Variants in QRFPR observed in about 807,000 individuals in gnomAD.
QRFPR encodes the protein pyroglutamylated RFamide peptide receptor.
In QRFPR, 37 loss-of-function variants were observed where a neutral mutation model predicts 31.3. The ratio of observed to expected loss-of-function variants is 1.18; its 90% confidence interval spans 0.91 to 1.56. QRFPR has a LOEUF of 1.56. Among genes scored for constraint, QRFPR ranks in the 40% most tolerant of loss-of-function variants. The pLI is 0.00. For missense variants in QRFPR, 542 were observed against 532.5 expected (o/e 1.02, Z -0.18); for synonymous variants, 197 against 192.0 (o/e 1.03, Z -0.22).
chr4:121,358,781 C>G (rs955569109), intron 1 of QRFPR, among the ~76,000 whole-genome samples: 1 of 152,144 alleles, frequency 6.6e-6, no homozygotes, highest in African/African-American at 2.4e-5. Flanking sequence ...CATGGCTGAG[C>G]CACACTGATC....
chr4:121,353,330 A>C (rs1233743155), intron 1 of QRFPR, among the ~76,000 whole-genome samples: 1 of 151,996 alleles, frequency 6.6e-6, no homozygotes, highest in Non-Finnish European at 1.5e-5. Flanking sequence ...TTACATTTCC[A>C]CCAACAGTGT....
At chr4:121,347,996 A>G (rs1194098049) in intron 1 of QRFPR, among the ~76,000 whole-genome samples, 1 of 152,076 alleles carries the variant, frequency 6.6e-6, no homozygotes, top group Non-Finnish European at 1.5e-5. Context: ...ACTTTTTTAT[A>G]GAGTATTTTT....
In QRFPR at chr4:121,360,575, A is replaced by G. The variant is rs138300390; in HGVS notation, c.340+19733T>C. 4.8e-3 allele frequency among the ~76,000 whole-genome samples: 724 copies of G among 152,148 alleles called. 6 individuals are homozygous for G. The highest frequency in any genetic ancestry group is 0.02 in the Middle Eastern group (6 of 294). On this transcript the variant is annotated intron_variant, in intron 1 of 5. Coordinates refer to ENST00000394427, the MANE Select transcript of QRFPR (RefSeq NM_198179.3). ...TTGACCATGATCATCTCACACACAC[A>G]CGTATCCAAAATTTTTACTACAGTA...
intron 2 of QRFPR, among the ~76,000 whole-genome samples, chr4:121,339,492 G>C (rs1349109027): frequency 2.0e-5 from 3 of 152,200 alleles, no homozygotes; most frequent in African/African-American, 7.2e-5. Context: ...AAAGTATGAA[G>C]TGGGTGGAAT....
intron 1 of QRFPR, among the ~76,000 whole-genome samples, chr4:121,377,923 C>A (rs11732033): frequency 0.19 from 28,932 of 152,088 alleles, 3,247 homozygotes; most frequent in Non-Finnish European, 0.26. Flanking sequence ...GAAATTTTGC[C>A]ATGATTATCC....
intron 1 of QRFPR, among the ~76,000 whole-genome samples, chr4:121,379,316 T>A (rs1726422240): frequency 6.6e-6 from 1 of 152,208 alleles, no homozygotes; most frequent in Non-Finnish European, 1.5e-5. Context: ...ACACCCTCCA[T>A]GAGTTTAAGA....
At chr4:121,332,597 C>T (rs1195703855) in intron 4 of QRFPR, among the ~76,000 whole-genome samples, 1 of 152,166 alleles carries the variant, frequency 6.6e-6, no homozygotes, top group Non-Finnish European at 1.5e-5. Flanking sequence ...TCAGTTTCTA[C>T]CTATAGCTGT....
chr4:121,340,319 C>A (rs769261157), intron 2 of QRFPR, 133 bp downstream of exon 2: 2 of 976,596 alleles, frequency 2.0e-6, no homozygotes, highest in African/African-American at 3.2e-5. Context: ...AGGGAAAGCA[C>A]TGAAACTCTC....
intron 1 of QRFPR, chr4:121,369,585 G>T (rs1233029630): frequency 1.0e-4 from 161 of 1,611,480 alleles, no homozygotes; most frequent in Non-Finnish European, 1.3e-4. Flanking sequence ...GCACGGATCA[G>T]TTCCATTGGA....
chr4:121,340,615 A>G lies in QRFPR; in HGVS notation c.341-5T>C, dbSNP rs1450150007. The G allele has an allele frequency of 3.1e-6, 5 of 1,612,872 alleles. No individual in the cohort carries two copies. The Admixed American group carries it at 6.7e-5, about 22-fold the overall frequency. The stretch of plus-strand genomic sequence containing the variant: ...CCATCTTGCAAATGAAAGCACCTGC[A>G]GTAAGGAAATAGGACAAATCATACA... On this transcript the variant is annotated splice_region_variant and splice_polypyrimidine_tract_variant and intron_variant, in intron 1 of 5. Coordinates refer to ENST00000394427, the MANE Select transcript of QRFPR (RefSeq NM_198179.3).
At chr4:121,353,049 A>C (rs1725794752) in intron 1 of QRFPR, among the ~76,000 whole-genome samples, 1 of 151,994 alleles carries the variant, frequency 6.6e-6, no homozygotes, top group Non-Finnish European at 1.5e-5. Flanking sequence ...ACAGAACTTC[A>C]TTTCTTTTTA....
At chr4:121,360,512 T>C (rs1490475171) in intron 1 of QRFPR, among the ~76,000 whole-genome samples, 3 of 152,150 alleles carry the variant, frequency 2.0e-5, no homozygotes, top group African/African-American at 7.2e-5. Flanking sequence ...GCTTGCCTGG[T>C]TCCCCTGGGT....
chr4:121,330,495 C>G lies in QRFPR; in HGVS notation c.826G>C (p.Val276Leu). ...RKKKRAVIMM[V>L]TVVALFAVCW... Reference sequence around the variant, plus strand: ...ACAGCAAAGAGAGCCACCACTGTCACCATCATAATGACAGCTCGTTTCTTC... The same window carrying G: ...ACAGCAAAGAGAGCCACCACTGTCAGCATCATAATGACAGCTCGTTTCTTC... The change falls in exon 5 of 6, where the codon GTG (valine) becomes CTG (leucine). Residue 276 changes from valine to leucine, a missense_variant. Physicochemically the swap from Val to Leu is conservative, Grantham distance 32. Coordinates refer to ENST00000394427, the MANE Select transcript of QRFPR (RefSeq NM_198179.3). 6.2e-7 allele frequency: 1 copy of G among 1,613,832 alleles called. No individual in the cohort carries two copies. Among genetic ancestry groups the G allele is most frequent in the Non-Finnish European group, 8.5e-7 (1 of 1,179,746 alleles).
chr4:121,371,512 G>GTA (rs1369956976), intron 1 of QRFPR, among the ~76,000 whole-genome samples: 1 of 152,100 alleles, frequency 6.6e-6, no homozygotes, highest in East Asian at 1.9e-4. Context: ...CCACTGGGGA[G>GTA]TATATATCAA....
chr4:121,335,590 C>CGG (rs1560733567), intron 3 of QRFPR, among the ~76,000 whole-genome samples: 1 of 57,900 alleles, frequency 1.7e-5, no homozygotes, highest in Non-Finnish European at 3.2e-5. Flanking sequence ...GGGGGTGGGG[C>CGG]GGGGAGAGGA....
intron 1 of QRFPR, among the ~76,000 whole-genome samples, chr4:121,354,588 T>C (rs540985261): frequency 4.6e-4 from 70 of 152,022 alleles, no homozygotes; most frequent in Non-Finnish European, 8.5e-4. Flanking sequence ...TCTAGTTCTA[T>C]GTTGAAAAAA....
Position 121,347,362 on chromosome 4 carries a change from C to T in QRFPR, c.341-6752G>A, listed in dbSNP as rs13110590. Among the ~76,000 whole-genome samples the T allele has an allele frequency of 1.4e-4, 21 of 151,976 alleles. No individual in the cohort carries two copies. In the South Asian group the frequency reaches 4.2e-3, roughly 30 times the overall value. ...CATCTCTAAATAAATTGCCTTATAC[C>T]GCTTTTCTTTTAATTTATTGATTTC... is the stretch of plus-strand genomic sequence containing the variant. On this transcript the variant is annotated intron_variant, in intron 1 of 5. Coordinates refer to ENST00000394427, the MANE Select transcript of QRFPR (RefSeq NM_198179.3).
Position 121,329,323 on chromosome 4 carries a change from A to C in QRFPR, c.1287T>G (p.Ser429Arg), listed in dbSNP as rs776872651. 6.2e-7 allele frequency: 1 copy of C among 1,600,886 alleles called. No individual in the cohort carries two copies. The highest frequency in any genetic ancestry group is 1.7e-5 in the Admixed American group (1 of 57,978). ...SELAENSPLD[S>R]GH The stretch of plus-strand genomic sequence containing the variant: ...GAAGATATTGTTATAATTAATGCCC[A>C]CTGTCTAAAGGAGAATTCTCAGCCA... The change falls in exon 6 of 6, where the codon AGT (serine) becomes AGG (arginine). Residue 429 changes from serine to arginine, a missense_variant. By Grantham distance (110) the Ser-to-Arg change is moderately radical (BLOSUM62 -1). Coordinates refer to ENST00000394427, the MANE Select transcript of QRFPR (RefSeq NM_198179.3).
At chr4:121,377,120 G>C (rs954859323) in intron 1 of QRFPR, among the ~76,000 whole-genome samples, 5 of 152,210 alleles carry the variant, frequency 3.3e-5, no homozygotes, top group Non-Finnish European at 7.3e-5. Context: ...TCTTTTACCT[G>C]ATTGCATTTT....
Sources: allele counts gnomAD v4.1 joint callset (sites outside exome capture counted in the v4.1 genomes callset), GRCh38; gene constraint gnomAD v4.1.1; transcripts MANE v1.5; gene names NCBI Gene and HGNC (gene_info 2026-07-23, HGNC 2026-07-21).